The following DPP6 variants were observed in gnomAD, a reference collection of about 807,000 sequenced individuals.
DPP6 encodes A-type potassium channel modulatory protein DPP6.
In DPP6, 69 loss-of-function variants were observed where a neutral mutation model predicts 122.6. That is an observed-to-expected ratio of 0.56 (90% CI 0.46 to 0.69). The LOEUF (loss-of-function observed/expected upper bound fraction) is 0.69. Among genes scored for constraint, DPP6 ranks in the 30% least tolerant of loss-of-function variants. DPP6 has a pLI of 0.00. For synonymous variants in DPP6, 418 were observed against 433.1 expected (o/e 0.97, Z 0.43); for missense variants, 928 against 1,116.9 (o/e 0.83, Z 2.41).
chr7:154,830,318 A>G (rs1800533480), intron 16 of DPP6, among the ~76,000 whole-genome samples: 1 of 152,178 alleles, frequency 6.6e-6, no homozygotes, highest in African/African-American at 2.4e-5. Context: ...AAGTTCCAGG[A>G]AGAGGCAGAG....
intron 1 of DPP6, among the ~76,000 whole-genome samples, chr7:154,022,532 A>G (rs189447422): frequency 2.0e-5 from 3 of 152,224 alleles, no homozygotes; most frequent in Admixed American, 6.5e-5. Flanking sequence ...GTTTTAGGCA[A>G]TGCCTAATAT....
intron 1 of DPP6, among the ~76,000 whole-genome samples, chr7:154,270,313 A>G (rs1418835774): frequency 4.6e-5 from 7 of 152,340 alleles, no homozygotes; most frequent in Non-Finnish European, 7.3e-5. Flanking sequence ...TCTCACATCA[A>G]TTTAGAAAAT....
intron 1 of DPP6, among the ~76,000 whole-genome samples, chr7:154,175,509 A>G (rs1001834723): frequency 6.6e-6 from 1 of 152,034 alleles, no homozygotes; most frequent in African/African-American, 2.4e-5. Flanking sequence ...CACTGCTGAA[A>G]CTTTGATCTG....
chr7:153,767,134 G>T, the DPP6 span, among the ~76,000 whole-genome samples: 1 of 152,136 alleles, frequency 6.6e-6, no homozygotes, highest in Non-Finnish European at 1.5e-5. Flanking sequence ...AAAGTAAATG[G>T]TGTGTGAAGC....
chr7:153,751,023 T>C, the DPP6 span, among the ~76,000 whole-genome samples: 3 of 151,520 alleles, frequency 2.0e-5, no homozygotes, highest in Non-Finnish European at 4.4e-5. Flanking sequence ...GTGAAAGTTC[T>C]GTAGTGGATG....
In DPP6 at chr7:154,475,175, T is replaced by A. The variant is rs1009734459; in HGVS notation, c.457+138T>A. The A allele has an allele frequency of 4.3e-5, 31 of 712,850 alleles. 3 individuals carry two copies. In the East Asian group the frequency reaches 6.8e-4, roughly 16 times the overall value. 44.2% of individuals were successfully genotyped at this position (712,850 alleles called of 1,614,324 possible). A position where few individuals can be genotyped will look rare whatever the true frequency, so the allele number is the denominator to read the frequency against. ...GGGATCTACAGAGCTTTTGCTGTAGTCATCATCAGATTATCATTCTATGAA... is the reference window on the plus strand; with the variant it reads ...GGGATCTACAGAGCTTTTGCTGTAGACATCATCAGATTATCATTCTATGAA... On this transcript the variant is annotated intron_variant, in intron 3 of 25. Transcript: ENST00000377770.
At chr7:154,680,836 T>C (rs1281146281) in intron 7 of DPP6, among the ~76,000 whole-genome samples, 1 of 152,134 alleles carries the variant, frequency 6.6e-6, no homozygotes, top group African/African-American at 2.4e-5. Flanking sequence ...AAGCCGCCCA[T>C]CACCCTCCGG....
At chr7:154,017,178 T>C (rs2907746) in intron 1 of DPP6, among the ~76,000 whole-genome samples, 3,159 of 152,278 alleles carry the variant, frequency 0.021, 116 homozygotes, top group African/African-American at 0.071. Context: ...AGTGTTCCTC[T>C]TGCCTCAGCC....
At chr7:154,562,053 C>T (rs1480246530) in intron 4 of DPP6, among the ~76,000 whole-genome samples, 1 of 151,962 alleles carries the variant, frequency 6.6e-6, no homozygotes, top group Admixed American at 6.6e-5. Flanking sequence ...ACTTATTAGA[C>T]AAATAGAAGA....
chr7:154,163,614 T>C (rs1797088149), intron 1 of DPP6, among the ~76,000 whole-genome samples: 1 of 152,180 alleles, frequency 6.6e-6, no homozygotes. Flanking sequence ...GAGGCAGATG[T>C]ATCAATAAGA....
intron 5 of DPP6, among the ~76,000 whole-genome samples, chr7:154,636,713 G>T (rs1189194493): frequency 6.6e-6 from 1 of 152,234 alleles, no homozygotes; most frequent in Non-Finnish European, 1.5e-5. Flanking sequence ...TTTTCGAGAA[G>T]TTAATTCAGT....
In DPP6 at chr7:154,889,339, C is replaced by A; in HGVS notation, c.2372C>A (p.Ala791Asp). ...CAGTTCCTGATCATTCATCCCACTG[C>A]CGATGGTAAGGACTGAAAACATGAA... is the stretch of plus-strand genomic sequence containing the variant. ...EQQFLIIHPT[A>D]DEKIHFQHTA... Residue 791 changes from alanine to aspartate, a missense_variant, in exon 24 of 26, where the codon GCC becomes GAC. Physicochemically the swap from Ala to Asp is moderately radical, Grantham distance 126. Transcript: ENST00000377770. The A allele has an allele frequency of 2.5e-6, 4 of 1,612,760 alleles. No individual in the cohort carries two copies. Among genetic ancestry groups the A allele is most frequent in the Non-Finnish European group, 3.4e-6 (4 of 1,179,620 alleles).
the DPP6 span, among the ~76,000 whole-genome samples, chr7:153,854,989 CA>C: frequency 2.1e-5 from 3 of 142,854 alleles, no homozygotes; most frequent in Non-Finnish European, 4.6e-5. Context: ...ATCACAAGAA[CA>C]AAAAACCAAA....
chr7:154,354,679 C>T (rs976059846), intron 1 of DPP6, among the ~76,000 whole-genome samples: 1 of 152,158 alleles, frequency 6.6e-6, no homozygotes, highest in Non-Finnish European at 1.5e-5. Context: ...CTTAATTTGC[C>T]TAAGATTATG....
chr7:154,371,378 C>CAAAAAAAAAAAAAAAAAAAAAA (rs1167770083), intron 1 of DPP6, among the ~76,000 whole-genome samples: 7 of 47,710 alleles, frequency 1.5e-4, no homozygotes, highest in Non-Finnish European at 2.3e-4. Flanking sequence ...AACTCTGTCT[C>CAAAAAAAAAAAAAAAAAAAAAA]AAAAAAAAAA....
intron 1 of DPP6, among the ~76,000 whole-genome samples, chr7:154,401,619 C>T (rs143150836): frequency 0.045 from 6,788 of 152,184 alleles, 249 homozygotes; most frequent in East Asian, 0.13. Context: ...AAGACTTAAA[C>T]GTTAAACCTA....
At chr7:154,380,450 G>A (rs982033308) in intron 1 of DPP6, among the ~76,000 whole-genome samples, 3 of 152,232 alleles carry the variant, frequency 2.0e-5, no homozygotes, top group African/African-American at 7.2e-5. Context: ...AGTGCAGACA[G>A]GTGTTCATTG....
the DPP6 span, among the ~76,000 whole-genome samples, chr7:153,848,827 T>G: frequency 6.6e-6 from 1 of 152,224 alleles, no homozygotes; most frequent in Non-Finnish European, 1.5e-5. Flanking sequence ...TGCATTCTAC[T>G]GGGTTACTAC....
intron 3 of DPP6, among the ~76,000 whole-genome samples, chr7:154,511,545 T>C (rs1029825334): frequency 2.0e-5 from 3 of 152,212 alleles, no homozygotes; most frequent in African/African-American, 4.8e-5. Context: ...CCATTGTAAA[T>C]AATCTGTAGA....
Sources: allele counts gnomAD v4.1 joint callset (sites outside exome capture counted in the v4.1 genomes callset), GRCh38; gene constraint gnomAD v4.1.1; transcripts MANE v1.5; gene names NCBI Gene and HGNC (gene_info 2026-07-23, HGNC 2026-07-21).